Variants in NBEA observed in about 807,000 individuals in gnomAD.
The protein encoded by NBEA is neurobeachin, also known as lysosomal-trafficking regulator 2.
NBEA carries 44 observed loss-of-function variants against 343.4 expected under a neutral mutation model. The observed-to-expected ratio is 0.13, with a 90% CI of 0.10 to 0.16. The LOEUF (loss-of-function observed/expected upper bound fraction) is 0.16, where lower values mean the gene tolerates loss of function less well. Among genes scored for constraint, NBEA ranks in the 10% least tolerant of loss-of-function variants. NBEA has a pLI of 1.00. For missense variants in NBEA, 2,555 were observed against 3,631.3 expected (o/e 0.70, Z 7.62); for synonymous variants, 1,175 against 1,238.7 (o/e 0.95, Z 1.08).
At chr13:35,250,473 C>T (rs974839283) in intron 34 of NBEA, among the ~76,000 whole-genome samples, 1 of 151,966 alleles carries the variant, frequency 6.6e-6, no homozygotes, top group Non-Finnish European at 1.5e-5. Flanking sequence ...TTAATAAAGC[C>T]AAAATGAAAC....
At chr13:35,407,765 C>T (rs1266587639) in intron 38 of NBEA, among the ~76,000 whole-genome samples, 8 of 151,998 alleles carry the variant, frequency 5.3e-5, no homozygotes. Context: ...TTCACAATTG[C>T]CACAAAAAGA....
intron 55 of NBEA, among the ~76,000 whole-genome samples, chr13:35,661,786 A>G (rs546363488): frequency 6.6e-6 from 1 of 152,326 alleles, no homozygotes; most frequent in East Asian, 1.9e-4. Context: ...TTAACTTTCA[A>G]AACTCCATCA....
chr13:35,046,557 A>G (rs1224252368), intron 4 of NBEA, among the ~76,000 whole-genome samples: 2 of 152,184 alleles, frequency 1.3e-5, no homozygotes, highest in African/African-American at 4.8e-5. Flanking sequence ...GTACTGAACC[A>G]TCTATATAAT....
chr13:35,529,139 T>G (rs1307929320), intron 41 of NBEA, among the ~76,000 whole-genome samples: 1 of 152,132 alleles, frequency 6.6e-6, no homozygotes. Flanking sequence ...GCAGACATGA[T>G]TTTCACCATT....
At chr13:35,515,766 T>A (rs9565352) in intron 41 of NBEA, among the ~76,000 whole-genome samples, 1 of 151,008 alleles carries the variant, frequency 6.6e-6, no homozygotes, top group African/African-American at 2.4e-5. Flanking sequence ...TTTTTTAAAT[T>A]TAAATATATT....
chr13:35,185,034 A>G lies in NBEA; in HGVS notation c.4927+963A>G, dbSNP rs889104936. On this transcript the variant is annotated intron_variant, in intron 30 of 58. Transcript: ENST00000379939. ...CTAATCGCATGAGCTCTGTAAAAGA[A>G]GAGAGTTTCCTCCTCTGGTCACAGA... Among the ~76,000 whole-genome samples, 7 of 152,274 alleles carry G rather than the reference A, an allele frequency of 4.6e-5. No individual in the cohort carries two copies. In the South Asian group the frequency reaches 1.5e-3, roughly 32 times the overall value.
At chr13:35,231,048 C>T (rs1239223603) in intron 33 of NBEA, among the ~76,000 whole-genome samples, 2 of 151,980 alleles carry the variant, frequency 1.3e-5, no homozygotes, top group African/African-American at 4.8e-5. Context: ...AGTAAGTCTG[C>T]CAAATCCCCT....
chr13:35,191,309 C>G (rs2072174792), intron 30 of NBEA, among the ~76,000 whole-genome samples: 1 of 152,064 alleles, frequency 6.6e-6, no homozygotes. Flanking sequence ...TCAATGCACT[C>G]CAAGTAGGAT....
intron 41 of NBEA, chr13:35,474,903 G>A (rs2152960454): frequency 1.1e-6 from 1 of 925,492 alleles, no homozygotes; most frequent in Non-Finnish European, 1.6e-6. Context: ...CCTTGTGGGG[G>A]TGGGTGAGAT....
chr13:35,655,509 A>G (rs2084774415), intron 54 of NBEA, 70 bp from the exon 55 acceptor site: 1 of 1,421,086 alleles, frequency 7.0e-7, no homozygotes, highest in Admixed American at 2.4e-5. Context: ...AAAAAATCTG[A>G]TAAAGTTACA....
At chr13:35,038,255 A>C (rs2062522754) in intron 1 of NBEA, among the ~76,000 whole-genome samples, 1 of 151,586 alleles carries the variant, frequency 6.6e-6, no homozygotes, top group Non-Finnish European at 1.5e-5. Context: ...GGACTCAACC[A>C]TCAGGGCAGT....
chr13:34,974,591 A>G (rs2060105215), intron 1 of NBEA, among the ~76,000 whole-genome samples: 1 of 152,198 alleles, frequency 6.6e-6, no homozygotes, highest in Non-Finnish European at 1.5e-5. Flanking sequence ...ATGTTACTGT[A>G]AGCAGAGGAT....
At chr13:35,496,644 A>G (rs1207145796) in intron 41 of NBEA, among the ~76,000 whole-genome samples, 1 of 151,582 alleles carries the variant, frequency 6.6e-6, no homozygotes, top group Non-Finnish European at 1.5e-5. Flanking sequence ...AAAAAAAAAA[A>G]AAAAAAGAAT....
intron 1 of NBEA, among the ~76,000 whole-genome samples, chr13:35,017,059 TTAGGC>T (rs2061683230): frequency 6.6e-6 from 1 of 152,082 alleles, no homozygotes; most frequent in African/African-American, 2.4e-5. Context: ...TTGAAAGACT[TTAGGC>T]TAGGGGAGTG....
At chr13:35,423,940 G>C (rs967592591) in intron 38 of NBEA, among the ~76,000 whole-genome samples, 1 of 152,066 alleles carries the variant, frequency 6.6e-6, no homozygotes, top group African/African-American at 2.4e-5. Flanking sequence ...CTCATGATTT[G>C]GCTCTCTGTT....
intron 41 of NBEA, among the ~76,000 whole-genome samples, chr13:35,517,062 C>A (rs566433731): frequency 6.6e-6 from 1 of 152,276 alleles, no homozygotes; most frequent in Non-Finnish European, 1.5e-5. Flanking sequence ...CTTTTTACAT[C>A]TATCCCATGT....
intron 41 of NBEA, among the ~76,000 whole-genome samples, chr13:35,526,560 C>A (rs1004237613): frequency 1.3e-5 from 2 of 152,186 alleles, no homozygotes; most frequent in East Asian, 3.9e-4. Flanking sequence ...ATCACTTGAA[C>A]CCAGTGTCCT....
At chr13:35,404,908 A>T (rs1254387468) in intron 38 of NBEA, among the ~76,000 whole-genome samples, 1 of 152,156 alleles carries the variant, frequency 6.6e-6, no homozygotes, top group African/African-American at 2.4e-5. Context: ...GATAAGCATT[A>T]AAATTTTAAT....
Position 35,256,560 on chromosome 13 carries a change from C to T in NBEA, c.5776+23941C>T, listed in dbSNP as rs192586814. Among the ~76,000 whole-genome samples the T allele has an allele frequency of 1.6e-3, 240 of 152,198 alleles. 1 individual carries two copies. Among genetic ancestry groups the T allele is most frequent in the African/African-American group, 5.4e-3 (225 of 41,544 alleles). On this transcript the variant is annotated intron_variant, in intron 34 of 58. Transcript: ENST00000379939. ...TGCCCAGGAGCCTTTCTTCCTCCTA[C>T]GCCGTCAACATGATATCCATGGCAC...
Sources: allele counts gnomAD v4.1 joint callset (sites outside exome capture counted in the v4.1 genomes callset), GRCh38; gene constraint gnomAD v4.1.1; transcripts MANE v1.5; gene names NCBI Gene and HGNC (gene_info 2026-07-23, HGNC 2026-07-21).